Variants in JADE1 observed in about 807,000 individuals in gnomAD.
The protein encoded by JADE1 is jade family PHD finger 1.
JADE1 carries 14 observed loss-of-function variants against 81.8 expected under a neutral mutation model. That is an observed-to-expected ratio of 0.17 (90% CI 0.11 to 0.27). The LOEUF (loss-of-function observed/expected upper bound fraction) is 0.27. Ranked by LOEUF, JADE1 falls within the 10% of genes least tolerant of loss-of-function variation. The pLI is 1.00. For synonymous variants in JADE1, 353 were observed against 391.9 expected, an observed-to-expected ratio of 0.90 and a Z score of 1.17; for missense variants, 690 against 1,047.9, an observed-to-expected ratio of 0.66 and a Z score of 4.71.
At chr4:128,812,735 T>C (rs1434251323) in intron 1 of JADE1, among the ~76,000 whole-genome samples, 1 of 152,244 alleles carries the variant, frequency 6.6e-6, no homozygotes, top group Non-Finnish European at 1.5e-5. Flanking sequence ...CGGAGACCGT[T>C]TAAAAGGAGC....
intron 9 of JADE1, 79 bp downstream of exon 9, chr4:128,862,304 T>A: frequency 6.3e-7 from 1 of 1,584,250 alleles, no homozygotes; most frequent in Non-Finnish European, 8.6e-7. Context: ...GAGCAAGAAA[T>A]GATAGCCAGT....
chr4:128,849,813 T>C (rs1246662492), intron 5 of JADE1, among the ~76,000 whole-genome samples: 1 of 152,242 alleles, frequency 6.6e-6, no homozygotes, highest in African/African-American at 2.4e-5. Context: ...GGATGGCGTA[T>C]AGGTCTCATC....
chr4:128,852,019 A>T (rs1286194959), intron 5 of JADE1, 38 bp from the exon 6 acceptor site: 2 of 1,292,824 alleles, frequency 1.5e-6, no homozygotes, highest in South Asian at 2.4e-5. Flanking sequence ...ATTAATATGG[A>T]TTTATTAAAA....
intron 1 of JADE1, among the ~76,000 whole-genome samples, chr4:128,817,305 G>C (rs1727132698): frequency 7.2e-6 from 1 of 139,818 alleles, no homozygotes; most frequent in Non-Finnish European, 1.6e-5. Context: ...CTTCCTAACT[G>C]CGATTACAAG....
intron 4 of JADE1, among the ~76,000 whole-genome samples, chr4:128,847,997 G>C (rs1730011351): frequency 6.6e-6 from 1 of 152,150 alleles, no homozygotes; most frequent in African/African-American, 2.4e-5. Context: ...CTTATTTTGA[G>C]TGGGGTGAGT....
Position 128,855,713 on chromosome 4 carries a change from G to T in JADE1, c.780G>T (p.Leu260=). ...TGGGGGTTCAGCCAAAATGTCTGCT[G>T]TGTCCGAAGAAGGGTGGAGCTATGA... ...CALGVQPKCL[L]CPKKGGAMKP... The change falls in exon 7 of 11, where the codon CTG becomes CTT. Residue 260 remains leucine (L), a synonymous_variant. Transcript: ENST00000226319. The T allele has an allele frequency of 6.2e-7, 1 of 1,614,210 alleles. No individual in the cohort carries two copies. Among genetic ancestry groups the T allele is most frequent in the South Asian group, 1.1e-5 (1 of 91,086 alleles).
intron 10 of JADE1, among the ~76,000 whole-genome samples, chr4:128,869,511 T>A (rs1732031451): frequency 6.6e-6 from 1 of 152,214 alleles, no homozygotes; most frequent in African/African-American, 2.4e-5. Flanking sequence ...TCTTAGGTCA[T>A]TATGTAATGA....
chr4:128,814,431 A>G (rs1456235623), intron 1 of JADE1, among the ~76,000 whole-genome samples: 2 of 152,252 alleles, frequency 1.3e-5, no homozygotes, highest in Admixed American at 6.5e-5. Flanking sequence ...AGAAAATACA[A>G]GGAAACAAAT....
chr4:128,825,227 G>C (rs1261252316), intron 1 of JADE1, among the ~76,000 whole-genome samples: 1 of 152,144 alleles, frequency 6.6e-6, no homozygotes, highest in Admixed American at 6.5e-5. Context: ...TTTTAGTAGA[G>C]ACGGGGTTTC....
chr4:128,822,305 T>G (rs191538674), intron 1 of JADE1, among the ~76,000 whole-genome samples: 93 of 152,200 alleles, frequency 6.1e-4, no homozygotes, highest in African/African-American at 2.1e-3. Flanking sequence ...AGGCGGAGTT[T>G]GCACTTAGCA....
chr4:128,825,581 G>A (rs988203475), intron 1 of JADE1, among the ~76,000 whole-genome samples: 4 of 152,136 alleles, frequency 2.6e-5, no homozygotes, highest in Non-Finnish European at 2.9e-5. Flanking sequence ...GCTATCTCAT[G>A]TGCATGTAAG....
intron 9 of JADE1, among the ~76,000 whole-genome samples, chr4:128,867,239 ATAAGCT>A (rs2125900177): frequency 6.6e-6 from 1 of 152,354 alleles, no homozygotes; most frequent in Non-Finnish European, 1.5e-5. Context: ...ATAGCAACAC[ATAAGCT>A]ACCTGCTAAC....
intron 9 of JADE1, 137 bp downstream of exon 9, chr4:128,862,362 G>C: frequency 3.4e-6 from 5 of 1,456,940 alleles, no homozygotes; most frequent in Non-Finnish European, 4.5e-6. Context: ...GGTTGTGTTG[G>C]TTAAAAATAT....
At chr4:128,861,223 T>G (rs1180790804) in intron 8 of JADE1, among the ~76,000 whole-genome samples, 1 of 152,248 alleles carries the variant, frequency 6.6e-6, no homozygotes, top group East Asian at 1.9e-4. Flanking sequence ...CAGATTCTTT[T>G]GAATATGATC....
chr4:128,853,945 T>A (rs1301691701), intron 6 of JADE1, among the ~76,000 whole-genome samples: 1 of 152,228 alleles, frequency 6.6e-6, no homozygotes, highest in Non-Finnish European at 1.5e-5. Context: ...GAAGTCTCCT[T>A]ACGGTAGTGA....
chr4:128,867,198 G>A (rs776352072), intron 9 of JADE1, among the ~76,000 whole-genome samples: 2 of 152,214 alleles, frequency 1.3e-5, no homozygotes, highest in African/African-American at 2.4e-5. Context: ...CATTGGCAAA[G>A]CTGGAAATTT....
At chr4:128,845,791 C>T (rs1331686584) in intron 3 of JADE1, among the ~76,000 whole-genome samples, 4 of 151,952 alleles carry the variant, frequency 2.6e-5, no homozygotes, top group East Asian at 1.9e-4. Context: ...GGCGTGGTGG[C>T]GTGCACCTGT....
chr4:128,855,567 T>C, intron 6 of JADE1, 63 bp from the exon 7 acceptor site: 5 of 1,444,796 alleles, frequency 3.5e-6, no homozygotes, highest in Non-Finnish European at 3.7e-6. Flanking sequence ...TGAATAGATA[T>C]AATGGGAAAA....
In JADE1 at chr4:128,871,641, C is replaced by A; in HGVS notation, c.1908C>A (p.Thr636=). 2 of 1,614,166 alleles carry A rather than the reference C, an allele frequency of 1.2e-6. No individual in the cohort carries two copies. The highest frequency in any genetic ancestry group is 1.7e-6 in the Non-Finnish European group (2 of 1,180,034). ...AGAGCTTTTTGGGTTTAGAAAAGACCTTTGCAGAAGCACGTCTCATATCAG... is the reference window on the plus strand; with the variant it reads ...AGAGCTTTTTGGGTTTAGAAAAGACATTTGCAGAAGCACGTCTCATATCAG... ...VPESFLGLEK[T]FAEARLISAQ... is the part of the protein sequence containing the mutation. The change falls in exon 11 of 11, where the codon ACC becomes ACA. Residue 636 remains threonine (T), a synonymous_variant. Coordinates refer to ENST00000226319, the MANE Select transcript of JADE1 (RefSeq NM_199320.4). The surrounding 1 kb of genome is among the most constrained non-coding windows in gnomAD (Gnocchi z 4.1).
Sources: gnomAD v4.1 joint callset for allele counts (sites outside exome capture counted in the v4.1 genomes callset) on GRCh38, gnomAD v4.1.1 for gene constraint, Gnocchi (gnomAD v3.1) non-coding constraint, MANE v1.5 for transcripts, NCBI Gene and HGNC (gene_info 2026-07-23, HGNC 2026-07-21) for gene names.